Variants in PRKCB observed in about 807,000 individuals in gnomAD.
The protein encoded by PRKCB is protein kinase C beta type.
A neutral mutation model predicts 81.5 loss-of-function variants in PRKCB; 13 were observed. The ratio of observed to expected loss-of-function variants is 0.16; its 90% CI spans 0.10 to 0.25. The LOEUF is 0.25. PRKCB is among the 10% of genes least tolerant of loss of function. The pLI is 1.00. For missense variants in PRKCB, 509 were observed against 875.7 expected (o/e 0.58, Z 5.29); for synonymous variants, 335 against 321.4 (o/e 1.04, Z -0.45).
intron 2 of PRKCB, among the ~76,000 whole-genome samples, chr16:23,860,532 C>T (rs906990006): frequency 6.6e-6 from 1 of 152,144 alleles, no homozygotes. Context: ...ACTGGTGGCA[C>T]TCAAAGATTT....
At chr16:23,899,958 A>T (rs1478095541) in intron 2 of PRKCB, among the ~76,000 whole-genome samples, 5 of 152,114 alleles carry the variant, frequency 3.3e-5, no homozygotes, top group East Asian at 3.9e-4. Flanking sequence ...AAGTGCAGGG[A>T]TTACAGTTAG....
intron 2 of PRKCB, among the ~76,000 whole-genome samples, chr16:23,980,584 G>A (rs1016439231): frequency 2.0e-5 from 3 of 152,146 alleles, no homozygotes; most frequent in African/African-American, 7.2e-5. Context: ...GTGTTCAAAC[G>A]AAGGTCCTCC....
At chr16:24,159,884 C>T (rs553973229) in intron 10 of PRKCB, among the ~76,000 whole-genome samples, 1 of 152,176 alleles carries the variant, frequency 6.6e-6, no homozygotes, top group South Asian at 2.1e-4. Context: ...ACCCAGGAGG[C>T]TGTGGTGGGA....
In PRKCB at chr16:24,216,838, G is replaced by T. The variant is rs932981143; in HGVS notation, c.*2022G>T. ...GGCATCTGGAAAGAGGAAGGAATTT[G>T]CCCAAAGTCAGTCAGCTGGGATAAA... is the stretch of plus-strand genomic sequence containing the variant. On this transcript the variant is annotated 3_prime_UTR_variant, in exon 17 of 17. Transcript: ENST00000643927. 11 of 985,360 alleles carry T rather than the reference G, an allele frequency of 1.1e-5. No individual in the cohort carries two copies. The highest frequency in any genetic ancestry group is 1.1e-5 in the Non-Finnish European group (9 of 829,970). 61.0% of individuals were successfully genotyped at this position (985,360 alleles called of 1,614,324 possible).
chr16:24,203,351 A>T (rs1195532925), intron 16 of PRKCB: 2 of 152,046 alleles, frequency 1.3e-5, no homozygotes, highest in Admixed American at 1.3e-4. Flanking sequence ...TCTGGGGAGG[A>T]CCTTCTTGCT....
At chr16:24,020,566 T>C (rs1965344476) in intron 3 of PRKCB, among the ~76,000 whole-genome samples, 1 of 152,190 alleles carries the variant, frequency 6.6e-6, no homozygotes, top group African/African-American at 2.4e-5. Context: ...CTTGAGGTTT[T>C]ATAAAGTGGA....
intron 5 of PRKCB, among the ~76,000 whole-genome samples, chr16:24,054,595 A>G (rs1249172502): frequency 6.6e-6 from 1 of 152,170 alleles, no homozygotes; most frequent in Non-Finnish European, 1.5e-5. Context: ...TTGGACAATA[A>G]ATTAAAAACC....
chr16:24,071,436 T>TAAAAAAAAAAA (rs398042091), intron 5 of PRKCB, among the ~76,000 whole-genome samples: 7 of 57,294 alleles, frequency 1.2e-4, no homozygotes, highest in African/African-American at 4.0e-4. Flanking sequence ...AGACCCTGTC[T>TAAAAAAAAAAA]AAAAAAAAAA....
At chr16:23,988,981 G>C (rs1407482548) in intron 3 of PRKCB, among the ~76,000 whole-genome samples, 1 of 152,038 alleles carries the variant, frequency 6.6e-6, no homozygotes, top group Non-Finnish European at 1.5e-5. Flanking sequence ...TTATTTTTCA[G>C]ATGGAGTCTT....
chr16:23,871,596 G>T (rs1386244247), intron 2 of PRKCB, among the ~76,000 whole-genome samples: 41 of 147,782 alleles, frequency 2.8e-4, no homozygotes, highest in African/African-American at 9.8e-4. Context: ...CTTTTTTTTT[G>T]AGACGGAGTC....
intron 5 of PRKCB, among the ~76,000 whole-genome samples, chr16:24,064,750 T>C (rs1325281089): frequency 6.6e-6 from 1 of 152,038 alleles, no homozygotes; most frequent in African/African-American, 2.4e-5. Context: ...TGAAGCAATG[T>C]TATTATTATA....
At chr16:23,881,998 CT>C (rs1184025709) in intron 2 of PRKCB, among the ~76,000 whole-genome samples, 15 of 77,666 alleles carry the variant, frequency 1.9e-4, no homozygotes, top group Admixed American at 4.4e-4. Flanking sequence ...TTCTTTCTTT[CT>C]TTCTTTCTTT....
At chr16:23,974,877 G>A (rs1964604447) in intron 2 of PRKCB, among the ~76,000 whole-genome samples, 1 of 152,180 alleles carries the variant, frequency 6.6e-6, no homozygotes, top group Non-Finnish European at 1.5e-5. Context: ...CCATCGGGAG[G>A]AATCAGCTCC....
At chr16:23,843,866 G>A (rs180778412) in intron 2 of PRKCB, among the ~76,000 whole-genome samples, 1 of 146,550 alleles carries the variant, frequency 6.8e-6, no homozygotes, top group Admixed American at 6.8e-5. Context: ...CTGAAGGTTT[G>A]AAAATAATTT....
At chr16:24,145,563 T>C (rs536444735) in intron 9 of PRKCB, among the ~76,000 whole-genome samples, 19 of 152,332 alleles carry the variant, frequency 1.2e-4, no homozygotes, top group East Asian at 9.7e-4. Context: ...ATATTTTGAA[T>C]GTAGAGCTGA....
At chr16:24,159,850 A>G (rs8049471) in intron 10 of PRKCB, among the ~76,000 whole-genome samples, 2 of 151,936 alleles carry the variant, frequency 1.3e-5, no homozygotes, top group Non-Finnish European at 2.9e-5. Context: ...GCTAGGAGTG[A>G]TGCACGCACC....
At position 23,882,021 on chromosome 16, in the gene PRKCB, T is replaced by TCTCTTTCTTTCTTTCTTCCTTCCTTC. The variant is rs1555481693; in HGVS notation, c.205+44617_205+44618insCTTTCTTTCTTTCTTCCTTCCTTCCT. Among the ~76,000 whole-genome samples, 78 of 55,636 alleles carry TCTCTTTCTTTCTTTCTTCCTTCCTTC rather than the reference T, an allele frequency of 1.4e-3. 9 individuals carry two copies. The highest frequency in any genetic ancestry group is 4.6e-3 in the Admixed American group (21 of 4,558). The allele number at this position is 55,636 out of a possible 152,430, so 36.5% of individuals were successfully genotyped here. On this transcript the variant is annotated intron_variant, in intron 2 of 16. Transcript: ENST00000643927. Reference sequence around the variant, plus strand: ...TTCTTTCTTTCTTTCTTTCTTTCTTTCTTCCTTCCTTCCTTCCTTCCTTCC... The same window carrying TCTCTTTCTTTCTTTCTTCCTTCCTTC: ...TTCTTTCTTTCTTTCTTTCTTTCTTTCTCTTTCTTTCTTTCTTCCTTCCTTCCTTCCTTCCTTCCTTCCTTCCTTCC...
chr16:24,218,830 G>A lies in PRKCB; in HGVS notation c.*4014G>A. 1.0e-6 allele frequency: 1 copy of A among 985,440 alleles called. No individual in the cohort carries two copies. The highest frequency in any genetic ancestry group is 1.2e-6 in the Non-Finnish European group (1 of 829,948). The allele number at this position is 985,440 out of a possible 1,614,324, so 61.0% of individuals were successfully genotyped here. ...AGGGAATACAAGGCCTTCTTCCCTGGTTGTCTTGTAATAAAACAGCCATGG... is the reference window on the plus strand; with the variant it reads ...AGGGAATACAAGGCCTTCTTCCCTGATTGTCTTGTAATAAAACAGCCATGG... On this transcript the variant is annotated 3_prime_UTR_variant, in exon 17 of 17. Coordinates refer to ENST00000643927, the MANE Select transcript of PRKCB (RefSeq NM_002738.7).
chr16:23,996,827 A>G (rs1200805136), intron 3 of PRKCB, among the ~76,000 whole-genome samples: 3 of 152,094 alleles, frequency 2.0e-5, no homozygotes, highest in Admixed American at 6.6e-5. Flanking sequence ...AGAGTCAGTT[A>G]TGTTGCCAGC....
Sources: allele counts gnomAD v4.1 joint callset (sites outside exome capture counted in the v4.1 genomes callset), GRCh38; gene constraint gnomAD v4.1.1; transcripts MANE v1.5; gene names NCBI Gene and HGNC (gene_info 2026-07-23, HGNC 2026-07-21).